IL7: variants seen among roughly 807,000 people sequenced by gnomAD.
IL7 encodes interleukin-7.
In IL7, 3 loss-of-function variants were observed where a neutral mutation model predicts 21.6. The observed-to-expected ratio is 0.14, with a 90% confidence interval of 0.06 to 0.36. The LOEUF (loss-of-function observed/expected upper bound fraction) is 0.36. Among genes scored for constraint, IL7 ranks in the 10% least tolerant of loss-of-function variants. The probability of loss-of-function intolerance (pLI) is 1.00; values close to 1 mark genes in which losing one functional copy is unlikely to be tolerated. For synonymous variants in IL7, 62 were observed against 68.1 expected (o/e 0.91, Z 0.44); for missense variants, 175 against 200.2 (o/e 0.87, Z 0.76).
intron 3 of IL7, among the ~76,000 whole-genome samples, chr8:78,726,530 C>T (rs1048951745): frequency 6.6e-6 from 1 of 151,862 alleles, no homozygotes; most frequent in Non-Finnish European, 1.5e-5. Flanking sequence ...AACATATAAC[C>T]TGAATATACT....
chr8:78,720,243 T>A (rs938781525), intron 5 of IL7, among the ~76,000 whole-genome samples: 1 of 151,794 alleles, frequency 6.6e-6, no homozygotes, highest in African/African-American at 2.4e-5. Flanking sequence ...TGAAAAAATA[T>A]TAGAAAACAC....
chr8:78,788,552 T>C (rs1438197478), intron 2 of IL7, among the ~76,000 whole-genome samples: 1 of 152,228 alleles, frequency 6.6e-6, no homozygotes, highest in Non-Finnish European at 1.5e-5. Context: ...CTTATTTTAT[T>C]GATTTCTACT....
At chr8:78,709,317 A>C (rs1026394806) in intron 3 of IL7, among the ~76,000 whole-genome samples, 1 of 152,192 alleles carries the variant, frequency 6.6e-6, no homozygotes, top group Admixed American at 6.5e-5. Context: ...TTAGTTTTTG[A>C]GTACATTTTT....
chr8:78,679,276 T>G (rs1480474258), intron 4 of IL7: 1 of 152,168 alleles, frequency 6.6e-6, no homozygotes, highest in African/African-American at 2.4e-5. Context: ...ATCTGTTATA[T>G]ATTATAGTAA....
intron 2 of IL7, among the ~76,000 whole-genome samples, chr8:78,750,736 A>T (rs1812139482): frequency 6.6e-6 from 1 of 152,178 alleles, no homozygotes; most frequent in Non-Finnish European, 1.5e-5. Context: ...AGGCAGGAGA[A>T]TGGCGTGAAC....
intron 2 of IL7, among the ~76,000 whole-genome samples, chr8:78,789,172 T>A (rs1311745631): frequency 6.6e-6 from 1 of 152,110 alleles, no homozygotes; most frequent in Non-Finnish European, 1.5e-5. Context: ...ACTCAGGCAG[T>A]CTCTATCTTT....
intron 2 of IL7, chr8:78,761,238 G>C: frequency 6.2e-7 from 1 of 1,604,464 alleles, no homozygotes; most frequent in Non-Finnish European, 8.5e-7. Flanking sequence ...TCTAAAAGCA[G>C]TTGTGGTGAT....
intron 3 of IL7, among the ~76,000 whole-genome samples, chr8:78,693,660 A>C (rs1316642365): frequency 6.6e-6 from 1 of 152,004 alleles, no homozygotes; most frequent in Admixed American, 6.6e-5. Context: ...AGATTGCAAA[A>C]ATTTTCTCCC....
chr8:78,685,743 G>A (rs906227014), intron 4 of IL7: 11 of 151,982 alleles, frequency 7.2e-5, no homozygotes, highest in African/African-American at 1.9e-4. Flanking sequence ...ATTTCTAATC[G>A]GTTCAAAACC....
intron 3 of IL7, among the ~76,000 whole-genome samples, chr8:78,705,780 T>G (rs902075503): frequency 2.6e-5 from 4 of 152,168 alleles, no homozygotes; most frequent in African/African-American, 9.6e-5. Context: ...CCTGCAGGGC[T>G]GGCTGGAGGT....
intron 2 of IL7, among the ~76,000 whole-genome samples, chr8:78,781,594 T>A (rs1020089020): frequency 2.6e-5 from 4 of 152,212 alleles, no homozygotes; most frequent in African/African-American, 9.6e-5. Flanking sequence ...TTGCTGTTAT[T>A]CCGATGGGCT....
At position 78,685,200 on chromosome 8, in the gene IL7, G is replaced by T. The variant is rs376510487; in HGVS notation, n.273+689C>A. 4.3e-4 allele frequency among the ~76,000 whole-genome samples: 66 copies of T among 152,252 alleles called. 1 individual carries two copies. In the South Asian group the frequency reaches 0.013, roughly 31 times the overall value. On this transcript the variant is annotated intron_variant and non_coding_transcript_variant, in intron 4 of 4. Coordinates refer to the IL7 transcript ENST00000523959. The stretch of plus-strand genomic sequence containing the variant: ...ATTATACAGGTGTTATTTCAATTCT[G>T]TTGTGGGGGGACAGGGAGGGGAGAG...
intron 3 of IL7, chr8:78,686,509 GA>G: frequency 6.5e-7 from 1 of 1,545,750 alleles, no homozygotes; most frequent in Non-Finnish European, 8.7e-7. Flanking sequence ...AAGGAAACAT[GA>G]AGAATTCATT....
At chr8:78,744,590 G>T (rs1811913249) in intron 2 of IL7, among the ~76,000 whole-genome samples, 1 of 152,176 alleles carries the variant, frequency 6.6e-6, no homozygotes, top group Admixed American at 6.5e-5. Context: ...TGGAAGTAGG[G>T]CCTACAGACC....
At chr8:78,712,251 G>T in intron 3 of IL7, 1 of 369,558 alleles carries the variant, frequency 2.7e-6, no homozygotes, top group Non-Finnish European at 4.7e-6. Flanking sequence ...AAATAATCTA[G>T]GATTTAAAAC....
At chr8:78,782,187 T>C (rs748589569) in intron 2 of IL7, among the ~76,000 whole-genome samples, 2 of 152,216 alleles carry the variant, frequency 1.3e-5, no homozygotes, top group Non-Finnish European at 2.9e-5. Flanking sequence ...AAGTTCATTA[T>C]TACCCACCTT....
intron 2 of IL7, among the ~76,000 whole-genome samples, chr8:78,782,270 G>A (rs552754602): frequency 3.3e-5 from 5 of 152,118 alleles, no homozygotes; most frequent in Admixed American, 6.6e-5. Flanking sequence ...AAGGTGTTGC[G>A]ATCATTTCAA....
Position 78,686,780 on chromosome 8 carries a change from A to G in IL7, n.215-833T>C, listed in dbSNP as rs75084909. Among the ~76,000 whole-genome samples, 1,447 of 152,292 alleles carry G rather than the reference A, an allele frequency of 9.5e-3. 17 individuals carry two copies. The highest frequency in any genetic ancestry group is 0.033 in the African/African-American group (1,369 of 41,564). ...AATCTAGTCATGTAGGCTTATAAAG[A>G]CATTAATTTAGAACATGGAAGTGTA... On this transcript the variant is annotated intron_variant and non_coding_transcript_variant, in intron 3 of 4. Transcript: ENST00000523959.
intron 4 of IL7, chr8:78,678,502 T>C: frequency 7.6e-7 from 1 of 1,317,906 alleles, no homozygotes; most frequent in Non-Finnish European, 1.1e-6. Flanking sequence ...GTAAATAAAG[T>C]TCTGTAGTCT....
Sources: gnomAD v4.1 joint callset for allele counts (sites outside exome capture counted in the v4.1 genomes callset) on GRCh38, gnomAD v4.1.1 for gene constraint, MANE v1.5 for transcripts, NCBI Gene and HGNC (gene_info 2026-07-23, HGNC 2026-07-21) for gene names.